The following TBPL1 variants were observed in gnomAD, a reference collection of about 807,000 sequenced individuals.
TBPL1 encodes TATA-box binding protein like 1, also known as TATA box-binding protein-like 1.
TBPL1 carries 4 observed loss-of-function variants against 22.1 expected under a neutral mutation model. That is an observed-to-expected ratio of 0.18 (90% CI 0.09 to 0.41). TBPL1 has a LOEUF of 0.41. Ranked by LOEUF, TBPL1 falls within the 10% of genes least tolerant of loss-of-function variation. The pLI is 1.00. For synonymous variants in TBPL1, 64 were observed against 71.0 expected (o/e 0.90, Z 0.50); for missense variants, 115 against 222.3 (o/e 0.52, Z 3.07).
intron 1 of TBPL1, among the ~76,000 whole-genome samples, chr6:133,972,896 A>G (rs1776249071): frequency 6.6e-6 from 1 of 152,172 alleles, no homozygotes; most frequent in Non-Finnish European, 1.5e-5. Context: ...TACAGGTGGT[A>G]TTATCACCAA....
At chr6:133,966,136 A>C (rs1175938144) in intron 1 of TBPL1, among the ~76,000 whole-genome samples, 1 of 152,062 alleles carries the variant, frequency 6.6e-6, no homozygotes, top group Non-Finnish European at 1.5e-5. Context: ...TGGGTGTGTA[A>C]GTAAACATTG....
In TBPL1 at chr6:133,987,167, G is replaced by GC; in HGVS notation, c.*127_*128insC. Reference sequence around the variant, plus strand: ...ACTCTTTTATTCATTCACGGCTACAGTGTAAGCTCCAGTCCCTTTGGATTT... The same window carrying GC: ...ACTCTTTTATTCATTCACGGCTACAGCTGTAAGCTCCAGTCCCTTTGGATTT... On this transcript the variant is annotated 3_prime_UTR_variant, in exon 7 of 7. Coordinates refer to ENST00000237264, the MANE Select transcript of TBPL1 (RefSeq NM_004865.4). The GC allele has an allele frequency of 1.8e-6, 1 of 558,734 alleles. No individual in the cohort carries two copies. The highest frequency in any genetic ancestry group is 3.0e-6 in the Non-Finnish European group (1 of 330,254). The allele number at this position is 558,734 out of a possible 1,614,324, so 34.6% of individuals were successfully genotyped here.
rs999710258 is a variant in TBPL1, at chr6:133,987,574, C to G, written c.*534C>G. 1 of 151,030 alleles carries G rather than the reference C, an allele frequency of 6.6e-6. No individual in the cohort carries two copies. The highest frequency in any genetic ancestry group is 6.6e-5 in the Admixed American group (1 of 15,056). 9.4% of individuals were successfully genotyped at this position (151,030 alleles called of 1,614,324 possible). A position where few individuals can be genotyped will look rare whatever the true frequency, so the allele number is the denominator to read the frequency against. ...ATACTTCTTTTTTTTAAAATCTATG[C>G]AAGCTTAAGACTTTGGCTAAAGTGT... On this transcript the variant is annotated 3_prime_UTR_variant, in exon 7 of 7. Transcript: ENST00000237264.
chr6:133,973,682 A>G (rs1776263441), intron 1 of TBPL1, among the ~76,000 whole-genome samples: 1 of 152,236 alleles, frequency 6.6e-6, no homozygotes, highest in Non-Finnish European at 1.5e-5. Flanking sequence ...TCTTGTACAC[A>G]AAATCTTTGA....
chr6:133,974,762 A>G (rs1776284962), intron 1 of TBPL1, among the ~76,000 whole-genome samples: 1 of 152,226 alleles, frequency 6.6e-6, no homozygotes, highest in African/African-American at 2.4e-5. Flanking sequence ...ACACAGATTT[A>G]CTCACACTTT....
At chr6:133,974,187 C>A (rs1242031778) in intron 1 of TBPL1, among the ~76,000 whole-genome samples, 4 of 152,150 alleles carry the variant, frequency 2.6e-5, no homozygotes, top group Non-Finnish European at 4.4e-5. Flanking sequence ...ATCTCTACAT[C>A]TGTCTAGCTT....
chr6:133,954,258 G>A (rs1221478921), intron 1 of TBPL1, among the ~76,000 whole-genome samples: 1 of 152,214 alleles, frequency 6.6e-6, no homozygotes, highest in East Asian at 1.9e-4. Flanking sequence ...GTAAGTGCAT[G>A]AGCTTCTGTA....
chr6:133,958,540 A>C (rs1253509479), intron 1 of TBPL1, among the ~76,000 whole-genome samples: 1 of 152,216 alleles, frequency 6.6e-6, no homozygotes, highest in Admixed American at 6.5e-5. Flanking sequence ...CAGGAAAATA[A>C]TTTGATAATT....
intron 1 of TBPL1, among the ~76,000 whole-genome samples, chr6:133,956,818 C>T (rs973862567): frequency 6.6e-6 from 1 of 152,190 alleles, no homozygotes; most frequent in African/African-American, 2.4e-5. Flanking sequence ...TAATGGTGGA[C>T]TGCCTTCACT....
intron 1 of TBPL1, among the ~76,000 whole-genome samples, chr6:133,958,653 ATAAATGTTTCTGCC>A (rs1775966610): frequency 6.6e-6 from 1 of 152,250 alleles, no homozygotes; most frequent in Non-Finnish European, 1.5e-5. Flanking sequence ...CTGACTAAAA[ATAAATGTTTCTGCC>A]TAAACAAAGT....
intron 3 of TBPL1, 23 bp downstream of exon 3, chr6:133,982,673 GT>G: frequency 1.2e-6 from 2 of 1,601,530 alleles, no homozygotes; most frequent in Non-Finnish European, 1.7e-6. Flanking sequence ...TGGGTTTTTT[GT>G]TTTTATTTTT....
At chr6:133,978,120 G>T (rs968971972) in intron 1 of TBPL1, among the ~76,000 whole-genome samples, 2 of 152,142 alleles carry the variant, frequency 1.3e-5, no homozygotes, top group Admixed American at 1.3e-4. Flanking sequence ...TGAAGGCAAG[G>T]TGGAATGGAT....
At chr6:133,962,178 C>T (rs976926951) in intron 1 of TBPL1, among the ~76,000 whole-genome samples, 2 of 152,050 alleles carry the variant, frequency 1.3e-5, no homozygotes, top group Non-Finnish European at 2.9e-5. Flanking sequence ...TAAGGAAGAT[C>T]GGGGGTGGGA....
At chr6:133,983,154 G>T (rs1333632471) in intron 4 of TBPL1, among the ~76,000 whole-genome samples, 2 of 152,152 alleles carry the variant, frequency 1.3e-5, no homozygotes, top group East Asian at 3.9e-4. Flanking sequence ...TTTTTTAAGT[G>T]TTTTCACCTC....
intron 1 of TBPL1, among the ~76,000 whole-genome samples, chr6:133,958,827 A>G (rs915854962): frequency 3.3e-5 from 5 of 152,154 alleles, no homozygotes; most frequent in African/African-American, 1.2e-4. Context: ...GTAAAGTGTT[A>G]TAATTCCTTC....
At chr6:133,973,511 T>C (rs1158426224) in intron 1 of TBPL1, among the ~76,000 whole-genome samples, 2 of 152,230 alleles carry the variant, frequency 1.3e-5, no homozygotes, top group Non-Finnish European at 2.9e-5. Context: ...TAAATATCTT[T>C]CCTGGTGTGG....
chr6:133,979,628 G>GC (rs1776373832), intron 1 of TBPL1, among the ~76,000 whole-genome samples: 2 of 152,124 alleles, frequency 1.3e-5, no homozygotes, highest in Non-Finnish European at 2.9e-5. Flanking sequence ...GACATTTTTA[G>GC]TGGGGAAAAG....
rs905641226 is a variant in TBPL1, at chr6:133,990,146, C to G, written c.*3106C>G. ...GAACATGAGGGAATTGTCCTGATGT[C>G]TGAATGTCATTTATTGTGTCTTCAG... On this transcript the variant is annotated 3_prime_UTR_variant, in exon 7 of 7. Transcript: ENST00000237264. The G allele has an allele frequency of 6.5e-6, 1 of 152,756 alleles. No individual in the cohort carries two copies. Among genetic ancestry groups the G allele is most frequent in the Admixed American group, 6.5e-5 (1 of 15,304 alleles). The allele number at this position is 152,756 out of a possible 1,614,324, so 9.5% of individuals were successfully genotyped here. A position where few individuals can be genotyped will look rare whatever the true frequency, so the allele number is the denominator to read the frequency against.
At position 133,990,096 on chromosome 6, in the gene TBPL1, T is replaced by G. The variant is rs1776600044; in HGVS notation, c.*3056T>G. The G allele has an allele frequency of 6.5e-6, 1 of 152,698 alleles. No individual in the cohort carries two copies. Among genetic ancestry groups the G allele is most frequent in the South Asian group, 2.1e-4 (1 of 4,836 alleles). The allele number at this position is 152,698 out of a possible 1,614,324, so 9.5% of individuals were successfully genotyped here. ...GTTGTGTGGGTGAAACCCACGTTGC[T>G]GGTACAGGTGGCCATCATAGAAAAG... On this transcript the variant is annotated 3_prime_UTR_variant, in exon 7 of 7. Coordinates refer to ENST00000237264, the MANE Select transcript of TBPL1 (RefSeq NM_004865.4).
Sources: gnomAD v4.1 joint callset for allele counts (sites outside exome capture counted in the v4.1 genomes callset) on GRCh38, gnomAD v4.1.1 for gene constraint, MANE v1.5 for transcripts, NCBI Gene and HGNC (gene_info 2026-07-23, HGNC 2026-07-21) for gene names.